The following SLC5A8 variants were observed in gnomAD, a reference collection of about 807,000 sequenced individuals.
The protein encoded by SLC5A8 is solute carrier family 5 member 8.
SLC5A8 carries 55 observed loss-of-function variants against 71.9 expected under a neutral mutation model. The ratio of observed to expected loss-of-function variants is 0.77; its 90% CI spans 0.62 to 0.96. The LOEUF (loss-of-function observed/expected upper bound fraction) is 0.96, where lower values mean the gene tolerates loss of function less well. Ranked by LOEUF, SLC5A8 falls within the 40% of genes least tolerant of loss-of-function variation. SLC5A8 has a pLI of 0.00. For missense variants in SLC5A8, 701 were observed against 745.3 expected, an observed-to-expected ratio of 0.94 and a Z score of 0.69; for synonymous variants, 307 against 276.1, an observed-to-expected ratio of 1.11 and a Z score of -1.11.
intron 10 of SLC5A8, among the ~76,000 whole-genome samples, chr12:101,170,317 T>G (rs1415724424): frequency 1.3e-5 from 2 of 152,204 alleles, no homozygotes; most frequent in Non-Finnish European, 2.9e-5. Context: ...GTATTTCTAC[T>G]TCTGAGAAGA....
Position 101,202,518 on chromosome 12 carries a change from T to C in SLC5A8, c.418-303A>G, listed in dbSNP as rs547979093. ...CTGATCCACCAACTCAAGCTTGAAA[T>C]AAAATTTCCTACATCTGAAATAATT... On this transcript the variant is annotated intron_variant, in intron 2 of 14. Transcript: ENST00000536262. 3.3e-5 allele frequency among the ~76,000 whole-genome samples: 5 copies of C among 152,134 alleles called. No individual in the cohort carries two copies. In the South Asian group the frequency reaches 8.3e-4, roughly 25 times the overall value.
At chr12:101,181,323 G>A (rs1187173006) in intron 9 of SLC5A8, among the ~76,000 whole-genome samples, 1 of 152,076 alleles carries the variant, frequency 6.6e-6, no homozygotes, top group African/African-American at 2.4e-5. Flanking sequence ...GTTATGAATA[G>A]TCACCATTAT....
intron 10 of SLC5A8, among the ~76,000 whole-genome samples, chr12:101,179,353 G>A (rs1177082906): frequency 1.3e-5 from 2 of 152,158 alleles, no homozygotes; most frequent in African/African-American, 2.4e-5. Context: ...TGTAATGTTT[G>A]TAACAGATTT....
chr12:101,187,621 A>C (rs372170111), intron 6 of SLC5A8, 106 bp from the exon 7 acceptor site: 4 of 1,176,366 alleles, frequency 3.4e-6, no homozygotes, highest in South Asian at 2.0e-5. Context: ...AGACTCAATA[A>C]ATGTACATTA....
chr12:101,167,621 G>A (rs532693541), intron 11 of SLC5A8, among the ~76,000 whole-genome samples: 7 of 152,260 alleles, frequency 4.6e-5, no homozygotes, highest in Admixed American at 1.3e-4. Context: ...TCACCCCTTT[G>A]GGGCTAAATC....
chr12:101,209,995 C>T lies in SLC5A8; in HGVS notation c.-147G>A. ...GAGGCGTCCTCCAGGTGTCGGCCTC[C>T]GAACGCACCCCGAGGCGGGGTGAGG... On this transcript the variant is annotated 5_prime_UTR_variant, in exon 1 of 15. Transcript: ENST00000536262. The T allele has an allele frequency of 1.5e-6, 1 of 658,418 alleles. No homozygotes were observed. The highest frequency in any genetic ancestry group is 3.2e-5 in the East Asian group (1 of 30,980). 40.8% of individuals were successfully genotyped at this position (658,418 alleles called of 1,614,324 possible).
intron 1 of SLC5A8, 110 bp downstream of exon 1, chr12:101,209,388 A>C: frequency 1.3e-6 from 1 of 759,400 alleles, no homozygotes; most frequent in Non-Finnish European, 2.1e-6. Context: ...ATGGACGGGG[A>C]GAGATTTCGA....
intron 13 of SLC5A8, among the ~76,000 whole-genome samples, chr12:101,159,528 ATC>A (rs1453760676): frequency 2.6e-5 from 4 of 152,194 alleles, no homozygotes; most frequent in African/African-American, 9.7e-5. Context: ...AGGTTTTAAA[ATC>A]TGTTTCCCAG....
At chr12:101,190,963 A>G (rs1240484820) in intron 5 of SLC5A8, among the ~76,000 whole-genome samples, 1 of 152,190 alleles carries the variant, frequency 6.6e-6, no homozygotes, top group Non-Finnish European at 1.5e-5. Context: ...AAAGAGAAAG[A>G]GAAAAACATT....
chr12:101,197,925 ATCCTG>A (rs1869260441), intron 3 of SLC5A8, among the ~76,000 whole-genome samples: 1 of 152,060 alleles, frequency 6.6e-6, no homozygotes, highest in Non-Finnish European at 1.5e-5. Flanking sequence ...GACAGACCTG[ATCCTG>A]GGCCATAAAA....
At chr12:101,195,821 C>T (rs1331001705) in intron 3 of SLC5A8, among the ~76,000 whole-genome samples, 1 of 150,480 alleles carries the variant, frequency 6.6e-6, no homozygotes, top group African/African-American at 2.5e-5. Flanking sequence ...CTCAGCCTCT[C>T]GAGTAGCTGG....
rs1214373116 is a variant in SLC5A8, at chr12:101,208,570, T to A, written c.351+928A>T. 2.0e-5 allele frequency among the ~76,000 whole-genome samples: 3 copies of A among 149,746 alleles called. No homozygotes were observed. The East Asian group carries it at 6.5e-4, about 33-fold the overall frequency. On this transcript the variant is annotated intron_variant, in intron 1 of 14. Transcript: ENST00000536262. Reference sequence around the variant, plus strand: ...ATTCAACAGCTCTTTAAACTAAACGTGCATCATCTTTTCAAAGCCCTTTCT... The same window carrying A: ...ATTCAACAGCTCTTTAAACTAAACGAGCATCATCTTTTCAAAGCCCTTTCT...
intron 1 of SLC5A8, among the ~76,000 whole-genome samples, chr12:101,205,781 C>A (rs931959344): frequency 6.6e-5 from 10 of 152,328 alleles, no homozygotes; most frequent in Admixed American, 5.9e-4. Context: ...GCCAGGGCCA[C>A]AGTACACATT....
At chr12:101,160,308 G>T (rs2051712511) in intron 13 of SLC5A8, among the ~76,000 whole-genome samples, 1 of 152,148 alleles carries the variant, frequency 6.6e-6, no homozygotes. Context: ...GGAAAAGAAA[G>T]AATATTTTCC....
intron 10 of SLC5A8, among the ~76,000 whole-genome samples, chr12:101,170,522 C>G (rs924000043): frequency 7.2e-5 from 11 of 152,134 alleles, no homozygotes; most frequent in African/African-American, 2.7e-4. Flanking sequence ...ACTGAAGAAG[C>G]CAGCCAGCCT....
intron 10 of SLC5A8, among the ~76,000 whole-genome samples, chr12:101,176,395 A>T (rs1229976272): frequency 6.6e-6 from 1 of 152,088 alleles, no homozygotes; most frequent in Non-Finnish European, 1.5e-5. Flanking sequence ...TCAACAATTG[A>T]TAAAACAACC....
intron 10 of SLC5A8, among the ~76,000 whole-genome samples, chr12:101,172,941 C>T (rs187547461): frequency 2.1e-4 from 32 of 152,244 alleles, no homozygotes; most frequent in African/African-American, 6.0e-4. Context: ...ATGGGAGTGG[C>T]GGCTGTGCAA....
rs1215491214 is a variant in SLC5A8, at chr12:101,184,707, T to C, written c.964-485A>G. Reference sequence around the variant, plus strand: ...TTTACTTGATGACTCAAGGCCATTTTGTGAACTTCAGTCACTGCCCAGGAC... The same window carrying C: ...TTTACTTGATGACTCAAGGCCATTTCGTGAACTTCAGTCACTGCCCAGGAC... On this transcript the variant is annotated intron_variant, in intron 7 of 14. Coordinates refer to ENST00000536262, the MANE Select transcript of SLC5A8 (RefSeq NM_145913.5). Among the ~76,000 whole-genome samples, 4 of 152,188 alleles carry C rather than the reference T, an allele frequency of 2.6e-5. No homozygotes were observed. The East Asian group carries it at 7.7e-4, about 29-fold the overall frequency.
chr12:101,169,629 G>A (rs973123825), intron 10 of SLC5A8, among the ~76,000 whole-genome samples: 1 of 152,198 alleles, frequency 6.6e-6, no homozygotes, highest in African/African-American at 2.4e-5. Flanking sequence ...AAGTTTCTAG[G>A]TCAAGGGGAG....
Sources: allele counts gnomAD v4.1 joint callset (sites outside exome capture counted in the v4.1 genomes callset), GRCh38; gene constraint gnomAD v4.1.1; transcripts MANE v1.5; gene names NCBI Gene and HGNC (gene_info 2026-07-23, HGNC 2026-07-21).